The following SLC35F3 variants were observed in gnomAD, a reference collection of about 807,000 sequenced individuals.
SLC35F3 encodes the protein solute carrier family 35 member F3, also known as putative thiamine transporter SLC35F3.
In SLC35F3, 25 loss-of-function variants were observed where a neutral mutation model predicts 49.9. The ratio of observed to expected loss-of-function variants is 0.50; its 90% CI spans 0.37 to 0.70. The LOEUF (loss-of-function observed/expected upper bound fraction) is 0.70. Among genes scored for constraint, SLC35F3 ranks in the 30% least tolerant of loss-of-function variants. The pLI is 0.00. For synonymous variants in SLC35F3, 275 were observed against 265.4 expected (o/e 1.04, Z -0.35); for missense variants, 525 against 639.8 (o/e 0.82, Z 1.94).
intron 2 of SLC35F3, among the ~76,000 whole-genome samples, chr1:234,205,593 G>A (rs1666957680): frequency 6.6e-6 from 1 of 152,216 alleles, no homozygotes; most frequent in African/African-American, 2.4e-5. Flanking sequence ...CCAGTCTGAG[G>A]GGCAGAAACA....
intron 2 of SLC35F3, among the ~76,000 whole-genome samples, chr1:233,935,719 G>A (rs968860367): frequency 6.6e-6 from 1 of 152,144 alleles, no homozygotes; most frequent in African/African-American, 2.4e-5. Flanking sequence ...CTACTTAGTG[G>A]AGGCTCAGGG....
At chr1:233,944,290 G>A (rs7526969) in intron 2 of SLC35F3, among the ~76,000 whole-genome samples, 84,886 of 151,946 alleles carry the variant, frequency 0.56, 24,412 homozygotes, top group African/African-American at 0.69. Context: ...ACTGCTAGCT[G>A]TAATGTTTTA....
intron 2 of SLC35F3, among the ~76,000 whole-genome samples, chr1:233,908,536 C>CTTTTTT (rs898041195): frequency 5.8e-4 from 49 of 84,890 alleles, no homozygotes; most frequent in Non-Finnish European, 7.3e-4. Flanking sequence ...GTAAAGGATT[C>CTTTTTT]TTTTTTTTTT....
intron 2 of SLC35F3, among the ~76,000 whole-genome samples, chr1:234,118,633 G>C (rs1343981073): frequency 6.6e-6 from 1 of 152,104 alleles, no homozygotes; most frequent in East Asian, 1.9e-4. Flanking sequence ...AGAAAATGTT[G>C]GCCAATCCTG....
intron 2 of SLC35F3, among the ~76,000 whole-genome samples, chr1:234,133,253 A>G (rs1665760341): frequency 6.6e-6 from 1 of 152,220 alleles, no homozygotes; most frequent in South Asian, 2.1e-4. Flanking sequence ...TTCCCCAAAG[A>G]ATAATTATCC....
intron 2 of SLC35F3, among the ~76,000 whole-genome samples, chr1:234,176,177 G>T (rs1043298585): frequency 1.3e-5 from 2 of 152,084 alleles, no homozygotes; most frequent in Non-Finnish European, 2.9e-5. Flanking sequence ...AAATTCTGCC[G>T]CCAAGAAGCT....
At chr1:234,148,923 T>C (rs1325835747) in intron 2 of SLC35F3, among the ~76,000 whole-genome samples, 2 of 152,106 alleles carry the variant, frequency 1.3e-5, no homozygotes, top group East Asian at 1.9e-4. Flanking sequence ...TTTCCTGTGA[T>C]GGGAAAACAT....
At chr1:234,216,049 A>T (rs1667116080) in intron 2 of SLC35F3, among the ~76,000 whole-genome samples, 1 of 152,232 alleles carries the variant, frequency 6.6e-6, no homozygotes, top group Middle Eastern at 3.4e-3. Context: ...AACCTCAGGA[A>T]TGACTTGATA....
intron 2 of SLC35F3, among the ~76,000 whole-genome samples, chr1:233,926,000 C>A (rs1662151601): frequency 6.6e-6 from 1 of 152,208 alleles, no homozygotes; most frequent in South Asian, 2.1e-4. Context: ...GCTGGGAGAG[C>A]CGCTGTTAGT....
chr1:234,307,256 G>A lies in SLC35F3; in HGVS notation c.609-1845G>A, dbSNP rs554970870. Among the ~76,000 whole-genome samples, 9 of 152,256 alleles carry A rather than the reference G, an allele frequency of 5.9e-5. No individual in the cohort carries two copies. The South Asian group carries it at 6.2e-4, about 11-fold the overall frequency. ...AAAATGGAATCAATTCAGTTGAATC[G>A]GTTTCATGATAAATTTAGTGAAGTG... is the stretch of plus-strand genomic sequence containing the variant. On this transcript the variant is annotated intron_variant, in intron 3 of 7. Transcript: ENST00000366618.
chr1:234,217,460 A>G (rs895297228), intron 2 of SLC35F3, among the ~76,000 whole-genome samples: 7 of 152,248 alleles, frequency 4.6e-5, no homozygotes, highest in Admixed American at 3.9e-4. Flanking sequence ...AATACAAAGT[A>G]GTAAGTTCTG....
chr1:234,050,485 G>GT (rs1229312813), intron 2 of SLC35F3, among the ~76,000 whole-genome samples: 2 of 152,148 alleles, frequency 1.3e-5, no homozygotes, highest in African/African-American at 4.8e-5. Context: ...TGATGGGGTT[G>GT]TTTGATTTTT....
chr1:234,284,413 T>C (rs939726052), intron 3 of SLC35F3, among the ~76,000 whole-genome samples: 4 of 152,186 alleles, frequency 2.6e-5, no homozygotes, highest in Non-Finnish European at 5.9e-5. Flanking sequence ...CTACTCCTGC[T>C]CATGTTCCAC....
intron 2 of SLC35F3, among the ~76,000 whole-genome samples, chr1:234,140,002 A>AAAT: frequency 1.9e-5 from 2 of 105,368 alleles, no homozygotes. Flanking sequence ...AATAAAATAA[A>AAAT]GTAAGTGACT....
At chr1:234,294,906 G>C (rs965344640) in intron 3 of SLC35F3, among the ~76,000 whole-genome samples, 1 of 152,180 alleles carries the variant, frequency 6.6e-6, no homozygotes, top group African/African-American at 2.4e-5. Flanking sequence ...GGTGCCTGGG[G>C]GGGGAACCCA....
intron 7 of SLC35F3, among the ~76,000 whole-genome samples, chr1:234,321,768 T>A (rs1657625907): frequency 6.6e-6 from 1 of 152,182 alleles, no homozygotes; most frequent in Admixed American, 6.5e-5. Flanking sequence ...GCCGCGTATC[T>A]CACTTGTCAA....
chr1:234,060,490 A>G (rs1474412428), intron 2 of SLC35F3, among the ~76,000 whole-genome samples: 2 of 152,188 alleles, frequency 1.3e-5, no homozygotes, highest in Non-Finnish European at 2.9e-5. Flanking sequence ...TCTGTCACCC[A>G]GGTTGAAGTG....
intron 2 of SLC35F3, among the ~76,000 whole-genome samples, chr1:234,189,585 A>C (rs1178784487): frequency 2.0e-5 from 3 of 152,028 alleles, no homozygotes. Context: ...TTAAATTACC[A>C]AACCTAAGAA....
chr1:234,069,244 AAT>A (rs1001483651), intron 2 of SLC35F3, among the ~76,000 whole-genome samples: 1 of 131,054 alleles, frequency 7.6e-6, no homozygotes. Flanking sequence ...AAAAATATAT[AAT>A]ATATATATAA....
Sources: allele counts gnomAD v4.1 joint callset (sites outside exome capture counted in the v4.1 genomes callset), GRCh38; gene constraint gnomAD v4.1.1; transcripts MANE v1.5; gene names NCBI Gene and HGNC (gene_info 2026-07-23, HGNC 2026-07-21).